WEE1: variants seen among roughly 807,000 people sequenced by gnomAD.
The protein encoded by WEE1 is wee1-like protein kinase.
Under a neutral mutation model 68.8 loss-of-function variants are expected in WEE1, and 16 were observed. The ratio of observed to expected loss-of-function variants is 0.23; its 90% CI spans 0.16 to 0.35. The LOEUF is 0.35. WEE1 is among the 10% of genes least tolerant of loss of function. The pLI is 1.00. For missense variants in WEE1, 651 were observed against 824.1 expected (o/e 0.79, Z 2.57); for synonymous variants, 349 against 318.7 (o/e 1.09, Z -1.01).
intron 7 of WEE1, 43 bp from the exon 8 acceptor site, chr11:9,585,399 G>T (rs1243400118): frequency 1.2e-6 from 2 of 1,607,974 alleles, no homozygotes; most frequent in Non-Finnish European, 1.7e-6. Context: ...AGAGAAGGCT[G>T]TTTTGTTTTT....
At chr11:9,579,229 G>A (rs867621201) in intron 5 of WEE1, 5 of 152,246 alleles carry the variant, frequency 3.3e-5, no homozygotes, top group South Asian at 2.1e-4. Context: ...CTCTTTGTGT[G>A]GCTATTTGTC....
chr11:9,576,486 G>T lies in WEE1; in HGVS notation c.847-1G>T. ...ATATATGGAAACACTTTTTATTACA[G>T]AGAATTACAATTACTGAAAGCAATA... On this transcript the variant is annotated splice_acceptor_variant, in intron 3 of 10. Transcript: ENST00000450114. LOFTEE classifies it high-confidence loss of function. This position sits in a 1 kb window ranked among gnomAD's most constrained non-coding sequence, Gnocchi z 4.3. 6.2e-7 allele frequency: 1 copy of T among 1,606,664 alleles called. No homozygotes were observed. The highest frequency in any genetic ancestry group is 1.1e-5 in the South Asian group (1 of 89,250).
chr11:9,574,730 A>T lies in WEE1; in HGVS notation c.576+221A>T. On this transcript the variant is annotated intron_variant, in intron 1 of 10. Coordinates refer to ENST00000450114, the MANE Select transcript of WEE1 (RefSeq NM_003390.4). The surrounding 1 kb of genome is among the most constrained non-coding windows in gnomAD (Gnocchi z 4.9). ...CCTCGTCTGGAACTTCATCTTACAA[A>T]GGGGCCGATCGGCCCGTCCGGGTGG... The T allele has an allele frequency of 9.8e-7, 1 of 1,024,866 alleles. No homozygotes were observed. The allele number at this position is 1,024,866 out of a possible 1,614,324, so 63.5% of individuals were successfully genotyped here. A position where few individuals can be genotyped will look rare whatever the true frequency, so the allele number is the denominator to read the frequency against.
At chr11:9,577,322 A>G (rs1005718391) in intron 5 of WEE1, 59 bp downstream of exon 5, 3 of 1,569,774 alleles carry the variant, frequency 1.9e-6, no homozygotes, top group South Asian at 1.2e-5. Flanking sequence ...GGAAATATTT[A>G]TGGTTATCTA....
chr11:9,589,265 G>A lies in WEE1; in HGVS notation c.*663G>A. ...GTATAGCTGCTTTTGATGAAAAGCAGCTATTTGCCTTTTTTTTTTTTTCCT... is the reference window on the plus strand; with the variant it reads ...GTATAGCTGCTTTTGATGAAAAGCAACTATTTGCCTTTTTTTTTTTTTCCT... On this transcript the variant is annotated 3_prime_UTR_variant, in exon 11 of 11. Coordinates refer to ENST00000450114, the MANE Select transcript of WEE1 (RefSeq NM_003390.4). The A allele has an allele frequency of 1.0e-6, 1 of 981,052 alleles. No individual in the cohort carries two copies. The allele number at this position is 981,052 out of a possible 1,614,324, so 60.8% of individuals were successfully genotyped here. A position where few individuals can be genotyped will look rare whatever the true frequency, so the allele number is the denominator to read the frequency against.
chr11:9,573,985 G>C lies in WEE1; in HGVS notation c.52G>C (p.Ala18Pro). 1 of 1,289,630 alleles carries C rather than the reference G, an allele frequency of 7.8e-7. No homozygotes were observed. Among genetic ancestry groups the C allele is most frequent in the East Asian group, 3.2e-5 (1 of 31,380 alleles). The allele number at this position is 1,289,630 out of a possible 1,614,324, so 79.9% of individuals were successfully genotyped here. A position where few individuals can be genotyped will look rare whatever the true frequency, so the allele number is the denominator to read the frequency against. Residue 18 changes from alanine (A) to proline (P), a missense_variant, in exon 1 of 11, where the codon GCC becomes CCC. Transcript: ENST00000450114. ...QPPPPRRAGA[A>P]CTLRQKLIFS... ...GCCGCCACCCCGCCGCGCCGGGGCG[G>C]CCTGCACCTTGCGGCAGAAGCTGAT...
Position 9,574,791 on chromosome 11 carries a change from CGA to C in WEE1, c.576+284_576+285del. On this transcript the variant is annotated intron_variant, in intron 1 of 10. Transcript: ENST00000450114. This position sits in a 1 kb window ranked among gnomAD's most constrained non-coding sequence, Gnocchi z 4.9. ...GCCGCCCGTTGAGTCCGGGCCGCCCCGAGCGTGTCAGCCCCGAGTGCGGCACC... is the reference window on the plus strand; with the variant it reads ...GCCGCCCGTTGAGTCCGGGCCGCCCCGCGTGTCAGCCCCGAGTGCGGCACC... 1 of 1,007,098 alleles carries C rather than the reference CGA, an allele frequency of 9.9e-7. No homozygotes were observed. Among genetic ancestry groups the C allele is most frequent in the Non-Finnish European group, 1.2e-6 (1 of 844,288 alleles). The allele number at this position is 1,007,098 out of a possible 1,614,324, so 62.4% of individuals were successfully genotyped here.
intron 6 of WEE1, among the ~76,000 whole-genome samples, chr11:9,581,922 G>A (rs1849632454): frequency 6.6e-6 from 1 of 152,208 alleles, no homozygotes; most frequent in Admixed American, 6.5e-5. Context: ...GGAATGCAGT[G>A]GCACCATCTC....
In WEE1 at chr11:9,588,209, A is replaced by G. The variant is rs368842074; in HGVS notation, c.1788-240A>G. 1.3e-3 allele frequency among the ~76,000 whole-genome samples: 196 copies of G among 152,306 alleles called. 2 individuals are homozygous for G. In the South Asian group the frequency reaches 0.03, roughly 24 times the overall value. The stretch of plus-strand genomic sequence containing the variant: ...TTATTTTATAAGAACCAAAGTCATT[A>G]CTAGCATCTTTACTACTTGTTTTCA... On this transcript the variant is annotated intron_variant, in intron 10 of 10. Coordinates refer to ENST00000450114, the MANE Select transcript of WEE1 (RefSeq NM_003390.4).
Position 9,573,691 on chromosome 11 carries a change from A to C in WEE1, c.-243A>C, listed in dbSNP as rs1694927517. The C allele has an allele frequency of 5.7e-6, 1 of 176,040 alleles. No individual in the cohort carries two copies. The highest frequency in any genetic ancestry group is 1.2e-5 in the Non-Finnish European group (1 of 84,296). The allele number at this position is 176,040 out of a possible 1,614,324, so 10.9% of individuals were successfully genotyped here. ...CCGCGGAGCCCGAACCTGAGACTGGACCTGAGGAGACCTCAGCCTCGGTGC... is the reference window on the plus strand; with the variant it reads ...CCGCGGAGCCCGAACCTGAGACTGGCCCTGAGGAGACCTCAGCCTCGGTGC... On this transcript the variant is annotated 5_prime_UTR_variant, in exon 1 of 11. Transcript: ENST00000450114.
At chr11:9,577,355 CTT>C in intron 5 of WEE1, 92 bp downstream of exon 5, 1 of 1,432,454 alleles carries the variant, frequency 7.0e-7, no homozygotes, top group East Asian at 2.3e-5. Context: ...ATTTCTGTCA[CTT>C]TTATCTTTTA....
Position 9,574,467 on chromosome 11 carries a change from C to A in WEE1, c.534C>A (p.Thr178=). The change falls in exon 1 of 11, where the codon ACC becomes ACA. Residue 178 remains threonine (T), a synonymous_variant. Coordinates refer to ENST00000450114, the MANE Select transcript of WEE1 (RefSeq NM_003390.4). This position sits in a 1 kb window ranked among gnomAD's most constrained non-coding sequence, Gnocchi z 4.9. ...ACCCGGGCACCCCGCCACACAAGAC[C>A]TTCCGCAAGCTGCGACTCTTCGACA... ...PDHPGTPPHK[T]FRKLRLFDTP... 5.6e-6 allele frequency: 7 copies of A among 1,260,510 alleles called. 1 individual carries two copies. The highest frequency in any genetic ancestry group is 7.0e-6 in the Non-Finnish European group (7 of 1,003,942). 78.1% of individuals were successfully genotyped at this position (1,260,510 alleles called of 1,614,324 possible).
In WEE1 at chr11:9,575,979, G is replaced by A; in HGVS notation, c.668G>A (p.Arg223Lys). The A allele has an allele frequency of 6.2e-7, 1 of 1,614,114 alleles. No homozygotes were observed. The highest frequency in any genetic ancestry group is 8.5e-7 in the Non-Finnish European group (1 of 1,179,980). Reference protein sequence around the residue: ...LFMDTEKSGKREFDVRQTPQV... With the variant: ...LFMDTEKSGKKEFDVRQTPQV... ...ATGGATACAGAAAAATCAGGAAAAA[G>A]GGAATTTGATGTGCGACAGACTCCT... Residue 223 changes from arginine (R) to lysine (K), a missense_variant, in exon 2 of 11, where the codon AGG (arginine) becomes AAG (lysine). By Grantham distance (26) the Arg-to-Lys change is conservative. Around this residue, in one of 5 missense-constraint regions of WEE1, gnomAD observed 395 missense variants for 378.4 expected, o/e 1.04. Coordinates refer to ENST00000450114, the MANE Select transcript of WEE1 (RefSeq NM_003390.4).
At chr11:9,583,751 GCA>G (rs1445975873) in intron 6 of WEE1, among the ~76,000 whole-genome samples, 7 of 34,876 alleles carry the variant, frequency 2.0e-4, no homozygotes, top group South Asian at 9.9e-4. Context: ...GTGTGTGCGT[GCA>G]CGCGCGCGCA....
chr11:9,583,142 G>A (rs531959876), intron 6 of WEE1, among the ~76,000 whole-genome samples: 48 of 151,524 alleles, frequency 3.2e-4, no homozygotes, highest in African/African-American at 9.4e-4. Context: ...ATGAAACCCC[G>A]TCTCTACTAA....
At chr11:9,583,776 CACACACACACACACACACACACACACAT>C (rs1849660429) in intron 6 of WEE1, among the ~76,000 whole-genome samples, 5 of 85,504 alleles carry the variant, frequency 5.8e-5, no homozygotes, top group African/African-American at 1.5e-4. Context: ...CACACACACA[CACACACACACACACACACACACACACAT>C]ATATATATAT....
At chr11:9,585,061 T>G in intron 6 of WEE1, 197 bp from the exon 7 acceptor site, 2 of 556,414 alleles carry the variant, frequency 3.6e-6, no homozygotes, top group Non-Finnish European at 6.3e-6. Context: ...GCACACTGTC[T>G]CAAAAAAAAA....
rs1205583922 is a variant in WEE1 at position 9,573,732 on chromosome 11, TCTGCCGGAAAGTCCGCGCCGCCG to T, written c.-195_-173del. The T allele has an allele frequency of 4.5e-6, 1 of 224,164 alleles. No homozygotes were observed. Among genetic ancestry groups the T allele is most frequent in the Non-Finnish European group, 8.1e-6 (1 of 123,140 alleles). The allele number at this position is 224,164 out of a possible 1,614,324, so 13.9% of individuals were successfully genotyped here. A position where few individuals can be genotyped will look rare whatever the true frequency, so the allele number is the denominator to read the frequency against. On this transcript the variant is annotated 5_prime_UTR_variant, in exon 1 of 11. Coordinates refer to ENST00000450114, the MANE Select transcript of WEE1 (RefSeq NM_003390.4). ...GCCTCGGTGCTCGGGCCGCCCCGCC[TCTGCCGGAAAGTCCGCGCCGCCG>T]CTGCCGCCACCGTCCGCAGCCCGAG...
At chr11:9,577,331 T>C in intron 5 of WEE1, 68 bp downstream of exon 5, 4 of 1,549,652 alleles carry the variant, frequency 2.6e-6, no homozygotes, top group Non-Finnish European at 3.5e-6. Context: ...TATGGTTATC[T>C]AAAATCTTGC....
Sources: allele counts gnomAD v4.1 joint callset (sites outside exome capture counted in the v4.1 genomes callset), GRCh38; gene constraint gnomAD v4.1.1; regional missense constraint gnomAD v4.1.1; non-coding constraint Gnocchi (gnomAD v3.1); transcripts MANE v1.5; gene names NCBI Gene and HGNC (gene_info 2026-07-23, HGNC 2026-07-21).